Variants in ATP6V1B2 observed in about 807,000 individuals in gnomAD.
ATP6V1B2 encodes the protein V-type proton ATPase subunit B, brain isoform.
Under a neutral mutation model 66.7 loss-of-function variants are expected in ATP6V1B2, and 23 were observed. The ratio of observed to expected loss-of-function variants is 0.34; its 90% CI spans 0.25 to 0.49. ATP6V1B2 has a LOEUF of 0.49. Ranked by LOEUF, ATP6V1B2 falls within the 20% of genes least tolerant of loss-of-function variation. The probability of loss-of-function intolerance (pLI) is 0.99; values close to 1 mark genes in which losing one functional copy is unlikely to be tolerated. For missense variants in ATP6V1B2, 478 were observed against 650.8 expected, an observed-to-expected ratio of 0.73 and a Z score of 2.89; for synonymous variants, 278 against 236.7, an observed-to-expected ratio of 1.17 and a Z score of -1.60.
intron 1 of ATP6V1B2, among the ~76,000 whole-genome samples, chr8:20,199,773 G>A (rs760181962): frequency 3.2e-4 from 48 of 151,930 alleles, no homozygotes; most frequent in Non-Finnish European, 4.7e-4. Context: ...GCCATGCCCG[G>A]CTAATTTTTT....
At chr8:20,208,609 A>G (rs1459198727) in intron 2 of ATP6V1B2, among the ~76,000 whole-genome samples, 1 of 152,148 alleles carries the variant, frequency 6.6e-6, no homozygotes, top group Non-Finnish European at 1.5e-5. Context: ...TTAAAGAGTA[A>G]AAATGGATTA....
At chr8:20,201,537 A>C (rs1016460227) in intron 1 of ATP6V1B2, among the ~76,000 whole-genome samples, 1 of 152,158 alleles carries the variant, frequency 6.6e-6, no homozygotes, top group African/African-American at 2.4e-5. Context: ...CTTGTAGTCC[A>C]AGTGCTAGAA....
intron 8 of ATP6V1B2, 62 bp from the exon 9 acceptor site, chr8:20,212,720 T>C: frequency 5.7e-6 from 9 of 1,581,334 alleles, no homozygotes; most frequent in South Asian, 2.3e-5. Context: ...GAATCATTTC[T>C]TTTTGTGTTT....
At chr8:20,205,054 G>A (rs568340397) in intron 2 of ATP6V1B2, among the ~76,000 whole-genome samples, 13 of 152,288 alleles carry the variant, frequency 8.5e-5, no homozygotes, top group Admixed American at 6.5e-4. Flanking sequence ...TTTGATATGT[G>A]CTGCAGATTG....
chr8:20,217,069 A>G (rs2128886634), intron 11 of ATP6V1B2, 151 bp from the exon 12 acceptor site: 1 of 639,408 alleles, frequency 1.6e-6, no homozygotes, highest in African/African-American at 1.8e-5. Context: ...TTTTCTTGCC[A>G]GGAAGAGACA....
chr8:20,212,371 T>C (rs1431807804), intron 8 of ATP6V1B2, among the ~76,000 whole-genome samples, 172 bp downstream of exon 8: 1 of 152,226 alleles, frequency 6.6e-6, no homozygotes, highest in Non-Finnish European at 1.5e-5. Context: ...GGCAAATTAC[T>C]TAGGTTCTGA....
At chr8:20,198,306 C>T (rs2128884134) in intron 1 of ATP6V1B2, among the ~76,000 whole-genome samples, 1 of 152,336 alleles carries the variant, frequency 6.6e-6, no homozygotes, top group East Asian at 1.9e-4. Flanking sequence ...TCTTCATTTA[C>T]TGACCAGTTA....
chr8:20,217,117 T>TAAA, intron 11 of ATP6V1B2, 103 bp from the exon 12 acceptor site: 1 of 975,600 alleles, frequency 1.0e-6, no homozygotes, highest in Non-Finnish European at 1.6e-6. Context: ...GCGGTTGTCT[T>TAAA]TGATTTAAGT....
chr8:20,216,737 G>T (rs958780460), intron 11 of ATP6V1B2: 13 of 343,672 alleles, frequency 3.8e-5, no homozygotes, highest in African/African-American at 2.1e-4. Context: ...TTGTCTCCAA[G>T]AACTTTTTTG....
At chr8:20,220,042 CCT>C (rs1410215313) in intron 13 of ATP6V1B2, among the ~76,000 whole-genome samples, 45 of 152,294 alleles carry the variant, frequency 3.0e-4, no homozygotes, top group Non-Finnish European at 5.9e-5. Context: ...AAGACTGCTC[CCT>C]GTCTCAGCCC....
chr8:20,208,534 C>T (rs566935707), intron 2 of ATP6V1B2, among the ~76,000 whole-genome samples: 12 of 152,102 alleles, frequency 7.9e-5, no homozygotes, highest in African/African-American at 1.9e-4. Context: ...AAACAAATTG[C>T]GGAGTGATTA....
At chr8:20,202,192 T>G (rs2072694818) in intron 1 of ATP6V1B2, among the ~76,000 whole-genome samples, 1 of 152,182 alleles carries the variant, frequency 6.6e-6, no homozygotes. Flanking sequence ...TCATAATTCT[T>G]ACAAGATACC....
chr8:20,218,020 T>G, intron 12 of ATP6V1B2, 133 bp from the exon 13 acceptor site: 1 of 1,222,990 alleles, frequency 8.2e-7, no homozygotes, highest in Non-Finnish European at 1.1e-6. Context: ...CATATGAATT[T>G]TATGTGAATT....
intron 9 of ATP6V1B2, chr8:20,214,359 G>C (rs1187876457): frequency 6.6e-6 from 1 of 152,454 alleles, no homozygotes; most frequent in Non-Finnish European, 1.5e-5. Context: ...TAGGGTTGCT[G>C]TGAGGATTAA....
At chr8:20,219,631 T>G (rs990340721) in intron 13 of ATP6V1B2, among the ~76,000 whole-genome samples, 4 of 152,202 alleles carry the variant, frequency 2.6e-5, no homozygotes, top group Non-Finnish European at 5.9e-5. Context: ...ATTATTGGAA[T>G]TTTTTTAATG....
intron 11 of ATP6V1B2, chr8:20,216,772 A>G (rs2072858428): frequency 3.3e-6 from 1 of 303,656 alleles, no homozygotes; most frequent in Admixed American, 4.6e-5. Flanking sequence ...TAATGGTATC[A>G]TCTACCAATC....
rs894688976 is a variant in ATP6V1B2, at chr8:20,211,706, G to A, written c.658G>A (p.Val220Ile). ...AGLVKKSKDV[V>I]DYSEENFAIV... is the part of the protein sequence containing the mutation. ...TTTGGTAAAGAAATCCAAAGATGTA[G>A]TAGACTACAGTGAGGAAAATTTTGC... Residue 220 changes from valine (V) to isoleucine (I), a missense_variant, in exon 7 of 14, where the codon GTA (valine) becomes ATA (isoleucine). By Grantham distance (29) the Val-to-Ile change is conservative. Transcript: ENST00000276390. 6 of 1,612,474 alleles carry A rather than the reference G, an allele frequency of 3.7e-6. No individual in the cohort carries two copies. Among genetic ancestry groups the A allele is most frequent in the African/African-American group, 1.3e-5 (1 of 74,848 alleles).
chr8:20,199,523 T>G (rs1472168954), intron 1 of ATP6V1B2, among the ~76,000 whole-genome samples: 2 of 152,126 alleles, frequency 1.3e-5, no homozygotes, highest in African/African-American at 4.8e-5. Flanking sequence ...GAATATCTTC[T>G]TATTTTGCCA....
intron 2 of ATP6V1B2, among the ~76,000 whole-genome samples, chr8:20,205,365 C>T (rs188332104): frequency 5.9e-4 from 90 of 152,194 alleles, no homozygotes; most frequent in African/African-American, 1.9e-3. Flanking sequence ...ACAACGAGAA[C>T]GGGGTCTCCC....
Sources: gnomAD v4.1 joint callset for allele counts (sites outside exome capture counted in the v4.1 genomes callset) on GRCh38, gnomAD v4.1.1 for gene constraint, MANE v1.5 for transcripts, NCBI Gene and HGNC (gene_info 2026-07-23, HGNC 2026-07-21) for gene names.